The following ARHGAP10 variants were observed in gnomAD, a reference collection of about 807,000 sequenced individuals.
ARHGAP10 encodes Rho GTPase activating protein 10, also known as rho GTPase-activating protein 10.
ARHGAP10 carries 87 observed loss-of-function variants against 108.6 expected under a neutral mutation model. That is an observed-to-expected ratio of 0.80 (90% CI 0.67 to 0.96). The LOEUF is 0.96. Ranked by LOEUF, ARHGAP10 falls within the 40% of genes least tolerant of loss-of-function variation. The pLI is 0.00. For missense variants in ARHGAP10, 939 were observed against 954.5 expected, an observed-to-expected ratio of 0.98 and a Z score of 0.21; for synonymous variants, 347 against 341.1, an observed-to-expected ratio of 1.02 and a Z score of -0.19.
intron 4 of ARHGAP10, among the ~76,000 whole-genome samples, chr4:147,851,197 C>T (rs1733864171): frequency 6.6e-6 from 1 of 152,048 alleles, no homozygotes; most frequent in African/African-American, 2.4e-5. Flanking sequence ...TATGACTTAT[C>T]ACCTAAGCTC....
At chr4:147,834,597 C>A (rs915100110) in intron 3 of ARHGAP10, among the ~76,000 whole-genome samples, 3 of 152,098 alleles carry the variant, frequency 2.0e-5, no homozygotes, top group African/African-American at 7.2e-5. Context: ...ATGTCCCAAG[C>A]CTTCTAACGG....
In ARHGAP10 at chr4:147,879,242, G is replaced by A. The variant is rs546870590; in HGVS notation, c.843G>A (p.Pro281=). Reference sequence around the variant, plus strand: ...GTTTTTTTGTTGAAGGGCCTGCTCCGTTTGGTTCCAGTTGGGTCAAACACT... The same window carrying A: ...GTTTTTTTGTTGAAGGGCCTGCTCCATTTGGTTCCAGTTGGGTCAAACACT... The part of the protein sequence containing the change: ...YLYVQEKRPA[P]FGSSWVKHYC... Residue 281 remains proline (P), a synonymous_variant, in exon 9 of 23, where the codon CCG becomes CCA. Transcript: ENST00000336498. 7 of 1,612,852 alleles carry A rather than the reference G, an allele frequency of 4.3e-6. No homozygotes were observed. The East Asian group carries it at 6.7e-5, about 15-fold the overall frequency.
At chr4:147,962,415 G>T (rs1739035777) in intron 16 of ARHGAP10, among the ~76,000 whole-genome samples, 1 of 152,198 alleles carries the variant, frequency 6.6e-6, no homozygotes, top group Admixed American at 6.5e-5. Flanking sequence ...TTACAGCATT[G>T]AATCTCATAA....
At chr4:148,020,829 C>T (rs1228522532) in intron 18 of ARHGAP10, among the ~76,000 whole-genome samples, 1 of 152,056 alleles carries the variant, frequency 6.6e-6, no homozygotes, top group Non-Finnish European at 1.5e-5. Flanking sequence ...ATTGCTGGGT[C>T]AAATGGTATT....
At chr4:147,868,346 C>T (rs1417883020) in intron 7 of ARHGAP10, among the ~76,000 whole-genome samples, 1 of 151,078 alleles carries the variant, frequency 6.6e-6, no homozygotes, top group Non-Finnish European at 1.5e-5. Context: ...AAGTACTCCT[C>T]CTGCCTCAGC....
At chr4:147,827,469 T>C (rs2126792101) in intron 3 of ARHGAP10, among the ~76,000 whole-genome samples, 1 of 152,294 alleles carries the variant, frequency 6.6e-6, no homozygotes, top group African/African-American at 2.4e-5. Flanking sequence ...GCCCCTAAGC[T>C]TGTGGCTGTT....
At position 147,879,185 on chromosome 4, in the gene ARHGAP10, C is replaced by G. The variant is rs201755887; in HGVS notation, c.833-47C>G. On this transcript the variant is annotated intron_variant, in intron 8 of 22. Coordinates refer to ENST00000336498, the MANE Select transcript of ARHGAP10 (RefSeq NM_024605.4). ...GTAATGTGTTTATAGCTCTGCAAAT[C>G]TGCTTATTTATGAGGGAAAATATAA... 40 of 1,520,644 alleles carry G rather than the reference C, an allele frequency of 2.6e-5. No homozygotes were observed. In the Admixed American group the frequency reaches 5.4e-4, roughly 21 times the overall value. 94.2% of individuals were successfully genotyped at this position (1,520,644 alleles called of 1,614,324 possible).
At chr4:147,963,341 C>A (rs1181315984) in intron 16 of ARHGAP10, among the ~76,000 whole-genome samples, 2 of 152,188 alleles carry the variant, frequency 1.3e-5, no homozygotes, top group East Asian at 3.9e-4. Flanking sequence ...TCCAAGGGCT[C>A]TCCATTATGA....
chr4:147,732,478 A>G, intron 1 of ARHGAP10, 23 bp downstream of exon 1: 1 of 1,608,136 alleles, frequency 6.2e-7, no homozygotes. Flanking sequence ...GCGGGCGCGG[A>G]CGGGCTGCGG....
At chr4:147,791,123 T>G (rs1439687221) in intron 1 of ARHGAP10, among the ~76,000 whole-genome samples, 3 of 151,406 alleles carry the variant, frequency 2.0e-5, no homozygotes, top group Non-Finnish European at 4.4e-5. Context: ...TTTTTTTTTT[T>G]TTTTTTGAGA....
chr4:147,860,217 T>C (rs79440497), intron 5 of ARHGAP10, among the ~76,000 whole-genome samples: 15 of 152,034 alleles, frequency 9.9e-5, no homozygotes, highest in African/African-American at 1.7e-4. Context: ...CCGAGGCGGG[T>C]GGATCACGAG....
intron 1 of ARHGAP10, among the ~76,000 whole-genome samples, chr4:147,804,789 GA>G (rs2126764771): frequency 6.6e-6 from 1 of 152,112 alleles, no homozygotes; most frequent in East Asian, 1.9e-4. Context: ...GTCGTCTTTT[GA>G]AAAGTTCTTG....
chr4:147,794,518 C>T (rs1731238248), intron 1 of ARHGAP10, among the ~76,000 whole-genome samples: 1 of 152,138 alleles, frequency 6.6e-6, no homozygotes, highest in Non-Finnish European at 1.5e-5. Flanking sequence ...CAGAGCAAAA[C>T]AGAACATATA....
intron 1 of ARHGAP10, among the ~76,000 whole-genome samples, chr4:147,745,068 A>G (rs1251653826): frequency 6.6e-6 from 1 of 152,126 alleles, no homozygotes; most frequent in East Asian, 1.9e-4. Context: ...GAGGGTCTCA[A>G]AAGCCAAGGA....
At chr4:147,934,692 A>G (rs997452818) in intron 13 of ARHGAP10, among the ~76,000 whole-genome samples, 1 of 152,156 alleles carries the variant, frequency 6.6e-6, no homozygotes. Flanking sequence ...GATTCAGCCT[A>G]GTGTGGTAGC....
At chr4:147,950,583 G>A (rs1456460590) in intron 15 of ARHGAP10, among the ~76,000 whole-genome samples, 2 of 152,198 alleles carry the variant, frequency 1.3e-5, no homozygotes, top group Non-Finnish European at 2.9e-5. Flanking sequence ...GAGGAAAACA[G>A]CCAAAGCCCC....
rs1351470752 is a variant in ARHGAP10, at chr4:148,065,783, A to AGGT, written c.2272+1278_2272+1280dup. On this transcript the variant is annotated intron_variant, in intron 22 of 22. Transcript: ENST00000336498. ...TTTGTGAGATAGTTACCTTGGTAGA[A>AGGT]GGTGTATCTACTAGGATACCTTAGG... is the stretch of plus-strand genomic sequence containing the variant. 4 of 152,304 alleles carry AGGT rather than the reference A, an allele frequency of 2.6e-5. No homozygotes were observed. In the East Asian group the frequency reaches 7.7e-4, roughly 29 times the overall value. 9.4% of individuals were successfully genotyped at this position (152,304 alleles called of 1,614,324 possible).
At chr4:148,064,609 G>C in intron 22 of ARHGAP10, 102 bp downstream of exon 22, 1 of 1,007,846 alleles carries the variant, frequency 9.9e-7, no homozygotes, top group South Asian at 1.5e-5. Flanking sequence ...TCGGGAGGGC[G>C]AGTCTCCCCC....
chr4:147,975,853 T>C (rs1221357619), intron 18 of ARHGAP10, among the ~76,000 whole-genome samples: 6 of 152,224 alleles, frequency 3.9e-5, no homozygotes, highest in African/African-American at 1.2e-4. Context: ...CGTGCACATA[T>C]AGAGGAGTAT....
Sources: allele counts gnomAD v4.1 joint callset (sites outside exome capture counted in the v4.1 genomes callset), GRCh38; gene constraint gnomAD v4.1.1; transcripts MANE v1.5; gene names NCBI Gene and HGNC (gene_info 2026-07-23, HGNC 2026-07-21).